Variants in PLEKHG4B observed in about 807,000 individuals in gnomAD.
The protein encoded by PLEKHG4B is pleckstrin homology and RhoGEF domain containing G4B, also known as pleckstrin homology domain-containing family G member 4B.
In PLEKHG4B, 111 loss-of-function variants were observed where a neutral mutation model predicts 121.3. That is an observed-to-expected ratio of 0.92 (90% CI 0.78 to 1.07). The LOEUF (loss-of-function observed/expected upper bound fraction) is 1.07, where lower values mean the gene tolerates loss of function less well. PLEKHG4B is among the 50% of genes least tolerant of loss of function. PLEKHG4B has a pLI of 0.00. For missense variants in PLEKHG4B, 1,831 were observed against 1,757.8 expected (o/e 1.04, Z -0.74); for synonymous variants, 738 against 725.0 (o/e 1.02, Z -0.29).
At chr5:154,754 C>G (rs1238930972) in intron 7 of PLEKHG4B, 121 bp from the exon 8 acceptor site, 2 of 735,612 alleles carry the variant, frequency 2.7e-6, no homozygotes, top group African/African-American at 3.4e-5. Flanking sequence ...TCCAGCAAAG[C>G]AGGGGCGATA....
chr5:156,833 G>T lies in PLEKHG4B; in HGVS notation c.2409G>T (p.Leu803=). ...YDRVDEEVHR[L]VLTSNNRLQQ... Reference sequence around the variant, plus strand: ...GAGTGGATGAGGAGGTGCACAGGCTGGTCCTCACCTCGAACAATCGTCTCC... The same window carrying T: ...GAGTGGATGAGGAGGTGCACAGGCTTGTCCTCACCTCGAACAATCGTCTCC... The change falls in exon 11 of 20, where the codon CTG becomes CTT. Residue 803 remains leucine (L), a synonymous_variant. Coordinates refer to ENST00000637938, the MANE Select transcript of PLEKHG4B (RefSeq NM_052909.5). This position sits in a 1 kb window ranked among gnomAD's most constrained non-coding sequence, Gnocchi z 4.4. 1 of 1,598,188 alleles carries T rather than the reference G, an allele frequency of 6.3e-7. No individual in the cohort carries two copies. Among genetic ancestry groups the T allele is most frequent in the Non-Finnish European group, 8.5e-7 (1 of 1,173,148 alleles).
Position 101,691 on chromosome 5 carries a change from A to T in PLEKHG4B, c.45+9415A>T, listed in dbSNP as rs1169530672. Among the ~76,000 whole-genome samples the T allele has an allele frequency of 3.0e-5, 4 of 134,278 alleles. No individual in the cohort carries two copies. In the East Asian group the frequency reaches 6.5e-4, roughly 22 times the overall value. 88.1% of individuals were successfully genotyped at this position (134,278 alleles called of 152,430 possible). A position where few individuals can be genotyped will look rare whatever the true frequency, so the allele number is the denominator to read the frequency against. ...AGCCTGTAGGGGAGAGACTGTTGTGAGGTAAATCCATATAAAGCCCTGGAA... is the reference window on the plus strand; with the variant it reads ...AGCCTGTAGGGGAGAGACTGTTGTGTGGTAAATCCATATAAAGCCCTGGAA... On this transcript the variant is annotated intron_variant, in intron 1 of 19. Transcript: ENST00000637938.
At chr5:172,059 G>A (rs1437612430) in intron 16 of PLEKHG4B, among the ~76,000 whole-genome samples, 1 of 152,260 alleles carries the variant, frequency 6.6e-6, no homozygotes, top group Non-Finnish European at 1.5e-5. Flanking sequence ...CTCTGGCCTG[G>A]GATGGGTGAC....
At position 187,732 on chromosome 5, in the gene PLEKHG4B, C is replaced by T. The variant is rs561354058; in HGVS notation, c.*5409C>T. 1.0e-3 allele frequency: 154 copies of T among 152,456 alleles called. No homozygotes were observed. Among genetic ancestry groups the T allele is most frequent in the African/African-American group, 3.2e-3 (131 of 41,562 alleles). The allele number at this position is 152,456 out of a possible 1,614,324, so 9.4% of individuals were successfully genotyped here. On this transcript the variant is annotated 3_prime_UTR_variant, in exon 20 of 20. Coordinates refer to ENST00000637938, the MANE Select transcript of PLEKHG4B (RefSeq NM_052909.5). ...TCTAGATGCTTCTGAAGCAACAGCTCGCCTGGCCCCACCCCCATCAAGCAT... is the reference window on the plus strand; with the variant it reads ...TCTAGATGCTTCTGAAGCAACAGCTTGCCTGGCCCCACCCCCATCAAGCAT...
chr5:129,027 G>C (rs1734702266), intron 2 of PLEKHG4B, among the ~76,000 whole-genome samples: 1 of 152,174 alleles, frequency 6.6e-6, no homozygotes, highest in Admixed American at 6.5e-5. Context: ...CTGAACCTGT[G>C]GCGTCACATG....
intron 1 of PLEKHG4B, among the ~76,000 whole-genome samples, chr5:107,324 T>C (rs1245116374): frequency 6.6e-6 from 1 of 152,112 alleles, no homozygotes; most frequent in Non-Finnish European, 1.5e-5. Context: ...GATCCACTGC[T>C]CTCCTCTGCT....
chr5:148,642 A>G (rs1293895341), intron 6 of PLEKHG4B, among the ~76,000 whole-genome samples: 2 of 152,224 alleles, frequency 1.3e-5, no homozygotes, highest in East Asian at 1.9e-4. Flanking sequence ...TGAAATATCA[A>G]TACTACACAA....
chr5:105,793 T>G (rs1398084360), intron 1 of PLEKHG4B, among the ~76,000 whole-genome samples: 1 of 152,138 alleles, frequency 6.6e-6, no homozygotes, highest in East Asian at 1.9e-4. Context: ...ACCTAATGGT[T>G]TTCAAGACGA....
At chr5:115,653 G>T (rs1560904417) in intron 2 of PLEKHG4B, among the ~76,000 whole-genome samples, 1 of 152,222 alleles carries the variant, frequency 6.6e-6, no homozygotes, top group Non-Finnish European at 1.5e-5. Flanking sequence ...ACTTGCTGCA[G>T]CTTCTCCATC....
intron 1 of PLEKHG4B, among the ~76,000 whole-genome samples, chr5:97,588 C>T (rs1248326680): frequency 2.0e-5 from 3 of 152,180 alleles, no homozygotes; most frequent in East Asian, 1.9e-4. Flanking sequence ...CTTAGCACGA[C>T]GTTTGTGAAC....
At chr5:155,537 C>A in intron 9 of PLEKHG4B, 94 bp downstream of exon 9, 1 of 950,100 alleles carries the variant, frequency 1.1e-6, no homozygotes, top group Non-Finnish European at 1.7e-6. Flanking sequence ...ATTTGGTTCA[C>A]TATCATCTGT....
At position 185,552 on chromosome 5, in the gene PLEKHG4B, AC is replaced by A. The variant is rs1227010061; in HGVS notation, c.*3230del. The A allele has an allele frequency of 2.0e-5, 3 of 152,304 alleles. No individual in the cohort carries two copies. Among genetic ancestry groups the A allele is most frequent in the Non-Finnish European group, 4.4e-5 (3 of 68,080 alleles). 9.4% of individuals were successfully genotyped at this position (152,304 alleles called of 1,614,324 possible). On this transcript the variant is annotated 3_prime_UTR_variant, in exon 20 of 20. Coordinates refer to ENST00000637938, the MANE Select transcript of PLEKHG4B (RefSeq NM_052909.5). ...TAGCCACACTCTGGCACTGCCTGGG[AC>A]AGGTGCCCTCAGGAACCCAAATGCC...
chr5:134,712 G>A (rs1360533347), intron 2 of PLEKHG4B, among the ~76,000 whole-genome samples: 1 of 151,134 alleles, frequency 6.6e-6, no homozygotes, highest in African/African-American at 2.4e-5. Flanking sequence ...GTTGCAGTCA[G>A]CTGAGATCGT....
chr5:169,299 G>A lies in PLEKHG4B; in HGVS notation c.3477-41G>A, dbSNP rs368730000. The A allele has an allele frequency of 3.5e-4, 561 of 1,608,934 alleles. 3 individuals are homozygous for A. Among genetic ancestry groups the A allele is most frequent in the Non-Finnish European group, 2.8e-4 (332 of 1,177,626 alleles). On this transcript the variant is annotated intron_variant, in intron 13 of 19. Transcript: ENST00000637938. ...ATGAATTGCTTTTAATAAAGTGTCC[G>A]TGGGGGGCCGTGTGCCCCCCGGGAT... is the stretch of plus-strand genomic sequence containing the variant.
rs1211767475 is a variant in PLEKHG4B at position 137,982 on chromosome 5, G to C, written c.244-1501G>C. 6.6e-6 allele frequency among the ~76,000 whole-genome samples: 1 copy of C among 152,248 alleles called. No individual in the cohort carries two copies. Among genetic ancestry groups the C allele is most frequent in the Non-Finnish European group, 1.5e-5 (1 of 68,044 alleles). ...CAAGGAGCCGCTTCTTGAACGGCTT[G>C]CTCACCGGTGTGAGGAACACGCGCA... On this transcript the variant is annotated intron_variant, in intron 2 of 19. Coordinates refer to ENST00000637938, the MANE Select transcript of PLEKHG4B (RefSeq NM_052909.5). The surrounding 1 kb of genome is among the most constrained non-coding windows in gnomAD (Gnocchi z 4.2).
At chr5:94,138 G>C (rs1402216273) in intron 1 of PLEKHG4B, among the ~76,000 whole-genome samples, 1 of 152,238 alleles carries the variant, frequency 6.6e-6, no homozygotes, top group Admixed American at 6.5e-5. Flanking sequence ...AGCAAAGCTA[G>C]GTTTGAGCCA....
chr5:176,947 C>T (rs1194120877), intron 18 of PLEKHG4B, among the ~76,000 whole-genome samples: 1 of 152,180 alleles, frequency 6.6e-6, no homozygotes, highest in African/African-American at 2.4e-5. Flanking sequence ...AAAGTGGAGC[C>T]TAATGCTTTT....
At chr5:166,477 C>G (rs75891034) in intron 13 of PLEKHG4B, among the ~76,000 whole-genome samples, 91 of 66,344 alleles carry the variant, frequency 1.4e-3, no homozygotes, top group Non-Finnish European at 1.9e-3. Context: ...CACTAATGCT[C>G]TGACGGGGCG....
At chr5:155,992 T>G in intron 9 of PLEKHG4B, 79 bp from the exon 10 acceptor site, 1 of 1,349,940 alleles carries the variant, frequency 7.4e-7, no homozygotes, top group Non-Finnish European at 1.0e-6. Context: ...AAACAGGACA[T>G]TCCTGCCACT....
Sources: allele counts gnomAD v4.1 joint callset (sites outside exome capture counted in the v4.1 genomes callset), GRCh38; gene constraint gnomAD v4.1.1; non-coding constraint Gnocchi (gnomAD v3.1); transcripts MANE v1.5; gene names NCBI Gene and HGNC (gene_info 2026-07-23, HGNC 2026-07-21).